The following FBXO11 variants were observed in gnomAD, a reference collection of about 807,000 sequenced individuals.
FBXO11 encodes the protein F-box only protein 11.
FBXO11 carries 13 observed loss-of-function variants against 117.0 expected under a neutral mutation model. That is an observed-to-expected ratio of 0.11 (90% CI 0.07 to 0.18). FBXO11 has a LOEUF of 0.18. Among genes scored for constraint, FBXO11 ranks in the 10% least tolerant of loss-of-function variants. The pLI is 1.00. For missense variants in FBXO11, 767 were observed against 1,164.4 expected, an observed-to-expected ratio of 0.66 and a Z score of 4.97; for synonymous variants, 490 against 380.5, an observed-to-expected ratio of 1.29 and a Z score of -3.35.
chr2:47,822,325 AAAAAG>A, intron 12 of FBXO11, 22 bp from the exon 13 acceptor site: 1 of 1,482,578 alleles, frequency 6.7e-7, no homozygotes, highest in Non-Finnish European at 9.3e-7. Flanking sequence ...CGAAATAAAA[AAAAAG>A]AAGACATCTA....
chr2:47,838,840 G>A lies in FBXO11; in HGVS notation c.587+19C>T. On this transcript the variant is annotated intron_variant, in intron 4 of 22. Coordinates refer to ENST00000403359, the MANE Select transcript of FBXO11 (RefSeq NM_001190274.2). Reference sequence around the variant, plus strand: ...CAAATAACATATCTCAAGTTAATAAGGAATAGGTTTTTACTTACCACAAAA... The same window carrying A: ...CAAATAACATATCTCAAGTTAATAAAGAATAGGTTTTTACTTACCACAAAA... The A allele has an allele frequency of 1.2e-6, 2 of 1,604,030 alleles. No homozygotes were observed. The highest frequency in any genetic ancestry group is 1.7e-6 in the Non-Finnish European group (2 of 1,173,936).
intron 11 of FBXO11, among the ~76,000 whole-genome samples, chr2:47,831,898 AAAAT>A (rs2104804251): frequency 6.6e-6 from 1 of 152,350 alleles, no homozygotes; most frequent in East Asian, 1.9e-4. Context: ...AATGAAAAGC[AAAAT>A]AACAATGAAA....
rs1036617466 is a variant in FBXO11, at chr2:47,823,197, T to A, written c.1562A>T (p.Tyr521Phe). 7.4e-6 allele frequency: 12 copies of A among 1,614,002 alleles called. No homozygotes were observed. The highest frequency in any genetic ancestry group is 1.0e-5 in the Non-Finnish European group (12 of 1,180,004). ...GRGQFIENKI[Y>F]ANNFAGVWIT... ...CCATACACCTGCAAAGTTGTTTGCA[T>A]AGATTTTATTCTCTATGAATTGTCC... Residue 521 changes from tyrosine to phenylalanine, a missense_variant, in exon 12 of 23, where the codon TAT (tyrosine) becomes TTT (phenylalanine). By Grantham distance (22) the Tyr-to-Phe change is conservative. Coordinates refer to ENST00000403359, the MANE Select transcript of FBXO11 (RefSeq NM_001190274.2).
intron 1 of FBXO11, among the ~76,000 whole-genome samples, chr2:47,871,129 T>C (rs1223316611): frequency 1.3e-5 from 2 of 152,182 alleles, no homozygotes; most frequent in East Asian, 1.9e-4. Flanking sequence ...GGTGATAGTA[T>C]GCAATTTGGG....
chr2:47,899,273 CAAAA>C (rs376186704), intron 1 of FBXO11, among the ~76,000 whole-genome samples: 2 of 60,628 alleles, frequency 3.3e-5, no homozygotes, highest in Non-Finnish European at 3.2e-5. Context: ...GACTCCGTCT[CAAAA>C]AAAAAAAAAA....
At chr2:47,840,266 A>T (rs948710907) in intron 1 of FBXO11, among the ~76,000 whole-genome samples, 1 of 151,948 alleles carries the variant, frequency 6.6e-6, no homozygotes. Flanking sequence ...TTTTAAAAAA[A>T]GGTGAGGAGG....
At position 47,823,346 on chromosome 2, in the gene FBXO11, A is replaced by G. The variant is rs1310906924; in HGVS notation, c.1413T>C (p.Ser471=). 1 of 1,603,622 alleles carries G rather than the reference A, an allele frequency of 6.2e-7. No homozygotes were observed. The highest frequency in any genetic ancestry group is 8.5e-7 in the Non-Finnish European group (1 of 1,174,770). Residue 471 remains serine (S), a synonymous_variant, in exon 12 of 23, where the codon AGT becomes AGC. Transcript: ENST00000403359. ...CTATCCTATTTCTGTGTATATTGCA[A>G]CTTTCAAAGTAACCCTGAAAAATAC... ...TFDHGMGYFE[S]CNIHRNRIAG...
chr2:47,832,674 A>G lies in FBXO11; in HGVS notation c.1158T>C (p.Gly386=). 1 of 1,613,484 alleles carries G rather than the reference A, an allele frequency of 6.2e-7. No individual in the cohort carries two copies. The highest frequency in any genetic ancestry group is 8.5e-7 in the Non-Finnish European group (1 of 1,179,662). ...HCIIRSTCTV[G]SAVCVSGQGA... is the part of the protein sequence containing the mutation. ...CTTGACCACTAACACATACTGCAGA[A>G]CCAACTGTAGAAAAATTATTTATTT... Residue 386 remains glycine, a synonymous_variant, in exon 10 of 23, where the codon GGT becomes GGC. Transcript: ENST00000403359.
chr2:47,887,856 CA>C (rs1346066284), intron 1 of FBXO11, among the ~76,000 whole-genome samples: 1 of 151,816 alleles, frequency 6.6e-6, no homozygotes, highest in Admixed American at 6.6e-5. Context: ...GATTCTGTCT[CA>C]AAAAAACCCA....
At chr2:47,880,884 T>C (rs563889275) in intron 1 of FBXO11, among the ~76,000 whole-genome samples, 1 of 152,154 alleles carries the variant, frequency 6.6e-6, no homozygotes, top group African/African-American at 2.4e-5. Flanking sequence ...AACCAGAGAG[T>C]GGGTTTTGCC....
intron 1 of FBXO11, among the ~76,000 whole-genome samples, chr2:47,885,208 G>A (rs191507079): frequency 3.9e-5 from 6 of 152,306 alleles, no homozygotes; most frequent in Admixed American, 2.6e-4. Context: ...GGAAGTGATC[G>A]AATACTGAAG....
At chr2:47,884,912 A>G (rs985556139) in intron 1 of FBXO11, among the ~76,000 whole-genome samples, 2 of 152,190 alleles carry the variant, frequency 1.3e-5, no homozygotes, top group African/African-American at 4.8e-5. Context: ...TATTAATTAT[A>G]CATCATTTCT....
chr2:47,891,061 C>T (rs1447069600), intron 1 of FBXO11, among the ~76,000 whole-genome samples: 4 of 151,872 alleles, frequency 2.6e-5, no homozygotes, highest in Admixed American at 2.0e-4. Flanking sequence ...CGGGCTCAAG[C>T]GATCCTCCTG....
intron 1 of FBXO11, among the ~76,000 whole-genome samples, chr2:47,894,549 T>G (rs1677509437): frequency 6.6e-6 from 1 of 152,142 alleles, no homozygotes; most frequent in Non-Finnish European, 1.5e-5. Flanking sequence ...CAGTATTTTT[T>G]TAAAATTCTT....
At chr2:47,847,743 G>A (rs1468045855) in intron 1 of FBXO11, among the ~76,000 whole-genome samples, 1 of 151,216 alleles carries the variant, frequency 6.6e-6, no homozygotes, top group African/African-American at 2.4e-5. Flanking sequence ...ATAATTTTTT[G>A]GGACCACCAT....
chr2:47,878,119 A>C (rs142503261), intron 1 of FBXO11, among the ~76,000 whole-genome samples: 1 of 152,284 alleles, frequency 6.6e-6, no homozygotes, highest in Non-Finnish European at 1.5e-5. Flanking sequence ...AATTTATATA[A>C]GCCATATCCC....
intron 1 of FBXO11, among the ~76,000 whole-genome samples, chr2:47,853,578 G>T (rs1674049455): frequency 6.6e-6 from 1 of 151,988 alleles, no homozygotes; most frequent in Non-Finnish European, 1.5e-5. Flanking sequence ...TTACATTCCT[G>T]GCTTAGTAGC....
At chr2:47,888,766 C>T (rs575125592) in intron 1 of FBXO11, 197 of 445,726 alleles carry the variant, frequency 4.4e-4, no homozygotes, top group African/African-American at 3.7e-3. Flanking sequence ...ACCACACACA[C>T]TTCAGAACCT....
intron 11 of FBXO11, among the ~76,000 whole-genome samples, chr2:47,827,099 T>C (rs562057580): frequency 6.6e-6 from 1 of 152,370 alleles, no homozygotes; most frequent in South Asian, 2.1e-4. Context: ...TCTGTATCTT[T>C]TGTTTCAGAG....
Sources: allele counts gnomAD v4.1 joint callset (sites outside exome capture counted in the v4.1 genomes callset), GRCh38; gene constraint gnomAD v4.1.1; transcripts MANE v1.5; gene names NCBI Gene and HGNC (gene_info 2026-07-23, HGNC 2026-07-21).